The following KPNA4 variants were observed in gnomAD, a reference collection of about 807,000 sequenced individuals.
KPNA4 encodes importin subunit alpha-3.
A neutral mutation model predicts 71.3 loss-of-function variants in KPNA4; 13 were observed. That is an observed-to-expected ratio of 0.18 (90% CI 0.12 to 0.29). The LOEUF is 0.29. KPNA4 is among the 10% of genes least tolerant of loss of function. The pLI, the probability that KPNA4 is intolerant of heterozygous loss-of-function variation, is 1.00. For missense variants in KPNA4, 334 were observed against 603.2 expected (o/e 0.55, Z 4.67); for synonymous variants, 189 against 195.2 (o/e 0.97, Z 0.26).
Position 160,536,791 on chromosome 3 carries a change from C to T in KPNA4, c.114+5G>A. The T allele has an allele frequency of 6.4e-7, 1 of 1,566,394 alleles. No homozygotes were observed. Among genetic ancestry groups the T allele is most frequent in the Non-Finnish European group, 8.8e-7 (1 of 1,141,264 alleles). ...TTAGAAGTACCCAATATTAATCAGA[C>T]TCACCTTCCTTAATTCAACTACAAC... On this transcript the variant is annotated splice_donor_5th_base_variant and intron_variant, in intron 2 of 16. Transcript: ENST00000334256.
intron 5 of KPNA4, 140 bp from the exon 6 acceptor site, chr3:160,531,697 T>C (rs1721578146): frequency 2.3e-6 from 1 of 431,948 alleles, no homozygotes. Flanking sequence ...ATTTATATAA[T>C]GCAACCTTTT....
chr3:160,562,108 C>G (rs1480023192), intron 1 of KPNA4, among the ~76,000 whole-genome samples: 1 of 152,054 alleles, frequency 6.6e-6, no homozygotes, highest in African/African-American at 2.4e-5. Context: ...CTACAATTAC[C>G]TCTCCCTAAA....
chr3:160,562,014 AAGTT>A (rs1722254159), intron 1 of KPNA4, among the ~76,000 whole-genome samples: 1 of 152,122 alleles, frequency 6.6e-6, no homozygotes, highest in Non-Finnish European at 1.5e-5. Flanking sequence ...GTCATACACA[AAGTT>A]AGAGATCAAA....
At position 160,505,033 on chromosome 3, in the gene KPNA4, T is replaced by C; in HGVS notation, c.1392A>G (p.Gln464=). The C allele has an allele frequency of 6.4e-7, 1 of 1,553,678 alleles. No individual in the cohort carries two copies. The highest frequency in any genetic ancestry group is 8.7e-7 in the Non-Finnish European group (1 of 1,149,504). The change falls in exon 16 of 17, where the codon CAA becomes CAG. Residue 464 remains glutamine, a synonymous_variant. Transcript: ENST00000334256. ...TGTCTTCATTTTCATGATTTTGAAG[T>C]TGTTCAATTTTCTCCAGCCCTGCAA... ...EECGGLEKIE[Q]LQNHENEDIY...
chr3:160,537,339 T>C (rs1721710592), intron 1 of KPNA4, among the ~76,000 whole-genome samples: 1 of 152,012 alleles, frequency 6.6e-6, no homozygotes, highest in Non-Finnish European at 1.5e-5. Flanking sequence ...ATCCTGTTTT[T>C]TACCTTGTTT....
rs1218415537 is a variant in KPNA4, at chr3:160,497,691, A to G, written c.*4413T>C. 6.6e-6 allele frequency: 1 copy of G among 152,220 alleles called. No homozygotes were observed. Among genetic ancestry groups the G allele is most frequent in the Admixed American group, 6.5e-5 (1 of 15,276 alleles). 9.4% of individuals were successfully genotyped at this position (152,220 alleles called of 1,614,324 possible). A position where few individuals can be genotyped will look rare whatever the true frequency, so the allele number is the denominator to read the frequency against. On this transcript the variant is annotated 3_prime_UTR_variant, in exon 17 of 17. Transcript: ENST00000334256. ...GGCTGACAGTTAATGAATTTTGCCA[A>G]TAAGTAAAATAATCAAGAAGTTACA... is the stretch of plus-strand genomic sequence containing the variant.
In KPNA4 at chr3:160,499,342, GGTCTCAATGT is replaced by G. The variant is rs1720832725; in HGVS notation, c.*2752_*2761del. ...TTCTTATTTTTACAGCACTTGAGGT[GGTCTCAATGT>G]TCAAAAAGACAGTTTAAGACATGAA... On this transcript the variant is annotated 3_prime_UTR_variant, in exon 17 of 17. Coordinates refer to ENST00000334256, the MANE Select transcript of KPNA4 (RefSeq NM_002268.5). 6.6e-6 allele frequency: 1 copy of G among 151,968 alleles called. No individual in the cohort carries two copies. Among genetic ancestry groups the G allele is most frequent in the Non-Finnish European group, 1.5e-5 (1 of 67,980 alleles). The allele number at this position is 151,968 out of a possible 1,614,324, so 9.4% of individuals were successfully genotyped here. A position where few individuals can be genotyped will look rare whatever the true frequency, so the allele number is the denominator to read the frequency against.
intron 1 of KPNA4, among the ~76,000 whole-genome samples, chr3:160,551,160 T>C (rs1372574007): frequency 2.6e-5 from 4 of 152,216 alleles, no homozygotes; most frequent in African/African-American, 9.7e-5. Flanking sequence ...TTACTACTTA[T>C]AGGTCTAGTC....
intron 11 of KPNA4, among the ~76,000 whole-genome samples, chr3:160,517,841 A>T (rs1297589843): frequency 1.3e-5 from 2 of 150,890 alleles, no homozygotes; most frequent in Non-Finnish European, 2.9e-5. Context: ...TTCTTTATAC[A>T]TTAAATATTT....
At chr3:160,535,471 G>C (rs1483729020) in intron 5 of KPNA4, 42 bp downstream of exon 5, 1 of 1,485,372 alleles carries the variant, frequency 6.7e-7, no homozygotes, top group Admixed American at 1.8e-5. Context: ...GAACCCCTGT[G>C]TAAGTTGTAA....
chr3:160,512,423 TA>T lies in KPNA4; in HGVS notation c.1137+1653del, dbSNP rs1030448208. ...AAAATTCATAATTTCCAAATGACAC[TA>T]AAAAAAAATCTACTCTGGTCTGCTT... On this transcript the variant is annotated intron_variant, in intron 13 of 16. Transcript: ENST00000334256. 7.3e-5 allele frequency among the ~76,000 whole-genome samples: 11 copies of T among 151,358 alleles called. No homozygotes were observed. The East Asian group carries it at 1.2e-3, about 16-fold the overall frequency.
chr3:160,508,644 A>T (rs1257856524), intron 14 of KPNA4, among the ~76,000 whole-genome samples: 1 of 152,066 alleles, frequency 6.6e-6, no homozygotes, highest in African/African-American at 2.4e-5. Context: ...AATTAATTAA[A>T]TATAGAGAGA....
At chr3:160,532,498 C>T (rs115270272) in intron 5 of KPNA4, among the ~76,000 whole-genome samples, 176 of 152,276 alleles carry the variant, frequency 1.2e-3, no homozygotes, top group African/African-American at 3.9e-3. Flanking sequence ...CAGAGAGATG[C>T]TAGAGAATCT....
At chr3:160,528,080 C>A (rs1404564589) in intron 7 of KPNA4, 41 bp from the exon 8 acceptor site, 2 of 1,454,024 alleles carry the variant, frequency 1.4e-6, no homozygotes, top group Non-Finnish European at 9.5e-7. Flanking sequence ...GTTGAAGATA[C>A]CATAAACCAA....
intron 11 of KPNA4, among the ~76,000 whole-genome samples, chr3:160,520,870 C>T (rs1211860895): frequency 2.0e-5 from 3 of 152,168 alleles, no homozygotes; most frequent in Admixed American, 1.3e-4. Context: ...ATACTATTTA[C>T]CTCAGAAAGG....
At chr3:160,543,220 T>C (rs1721840079) in intron 1 of KPNA4, among the ~76,000 whole-genome samples, 2 of 152,212 alleles carry the variant, frequency 1.3e-5, no homozygotes, top group Non-Finnish European at 2.9e-5. Flanking sequence ...AGCATATGGC[T>C]ACTAGTCCCA....
chr3:160,564,360 G>C (rs1722298580), intron 1 of KPNA4: 1 of 152,006 alleles, frequency 6.6e-6, no homozygotes, highest in Non-Finnish European at 1.5e-5. Flanking sequence ...ACCACCAGCA[G>C]GTGGAGGGAA....
intron 11 of KPNA4, among the ~76,000 whole-genome samples, chr3:160,518,216 C>T (rs1721268010): frequency 2.0e-5 from 3 of 151,754 alleles, no homozygotes; most frequent in Admixed American, 6.6e-5. Context: ...CAAGCTCCGC[C>T]TCCCGGGTTC....
chr3:160,514,318 A>AG, intron 12 of KPNA4, 137 bp from the exon 13 acceptor site: 1 of 575,104 alleles, frequency 1.7e-6, no homozygotes, highest in Non-Finnish European at 2.9e-6. Flanking sequence ...CAGGAATCTC[A>AG]ATTCCTTTAC....
Sources: allele counts gnomAD v4.1 joint callset (sites outside exome capture counted in the v4.1 genomes callset), GRCh38; gene constraint gnomAD v4.1.1; transcripts MANE v1.5; gene names NCBI Gene and HGNC (gene_info 2026-07-23, HGNC 2026-07-21).